The following ABR variants were observed in gnomAD, a reference collection of about 807,000 sequenced individuals.
ABR encodes the protein ABR activator of RhoGEF and GTPase, also known as active breakpoint cluster region-related protein.
In ABR, 35 loss-of-function variants were observed where a neutral mutation model predicts 107.2. The ratio of observed to expected loss-of-function variants is 0.33; its 90% CI spans 0.25 to 0.43. The LOEUF is 0.43. Ranked by LOEUF, ABR falls within the 20% of genes least tolerant of loss-of-function variation. ABR has a pLI of 1.00. For synonymous variants in ABR, 498 were observed against 462.0 expected, an observed-to-expected ratio of 1.08 and a Z score of -1.00; for missense variants, 815 against 1,115.2, an observed-to-expected ratio of 0.73 and a Z score of 3.83.
chr17:1,056,153 T>G lies in ABR; in HGVS notation c.1487-44A>C, dbSNP rs750234279. The G allele has an allele frequency of 1.4e-5, 22 of 1,572,884 alleles. No homozygotes were observed. The East Asian group carries it at 4.3e-4, about 31-fold the overall frequency. On this transcript the variant is annotated intron_variant, in intron 13 of 22. Transcript: ENST00000302538. The stretch of plus-strand genomic sequence containing the variant: ...CCCAGGGCAGAGGGTGGTCAGCGGA[T>G]CCCCTCAGCCTCCACCCCAGGCCGG...
chr17:1,108,302 T>G (rs896716989), intron 2 of ABR, among the ~76,000 whole-genome samples: 13 of 151,920 alleles, frequency 8.6e-5, no homozygotes, highest in Admixed American at 8.5e-4. Context: ...GCCCTCCAGT[T>G]CCACCGGGAG....
exon 1 of ABR, among the ~76,000 whole-genome samples, chr17:1,229,607 C>T (rs1354878789): frequency 6.6e-6 from 1 of 151,980 alleles, no homozygotes; most frequent in Non-Finnish European, 1.5e-5. Context: ...GCCAGCGCCG[C>T]TCGAACGCGC....
intron 16 of ABR, among the ~76,000 whole-genome samples, chr17:1,032,196 A>C (rs1179012166): frequency 6.6e-6 from 1 of 151,914 alleles, no homozygotes; most frequent in Non-Finnish European, 1.5e-5. Context: ...TTTTGGCCAC[A>C]AACAGCTGCC....
intron 16 of ABR, among the ~76,000 whole-genome samples, chr17:1,032,435 C>A (rs1364721572): frequency 1.3e-5 from 2 of 152,158 alleles, no homozygotes; most frequent in Non-Finnish European, 2.9e-5. Flanking sequence ...AGCAAAAGCC[C>A]GAAACGACGC....
At chr17:1,024,099 C>T (rs2071970525) in intron 16 of ABR, among the ~76,000 whole-genome samples, 1 of 151,800 alleles carries the variant, frequency 6.6e-6, no homozygotes, top group South Asian at 2.1e-4. Flanking sequence ...CCTGCCCGGG[C>T]CCAGAACACT....
intron 10 of ABR, among the ~76,000 whole-genome samples, chr17:1,061,988 AGGT>A (rs2034000959): frequency 6.6e-6 from 1 of 152,240 alleles, no homozygotes; most frequent in Admixed American, 6.5e-5. Flanking sequence ...GCAAAGCCAC[AGGT>A]GAACAAAAAG....
At chr17:1,049,750 A>G (rs1229098091) in intron 16 of ABR, among the ~76,000 whole-genome samples, 1 of 152,192 alleles carries the variant, frequency 6.6e-6, no homozygotes, top group African/African-American at 2.4e-5. Context: ...CCTTCTCAAC[A>G]TGGCGTTCCG....
rs1401080601 is a variant in ABR, at chr17:1,011,047, C to T, written c.2102-184G>A. On this transcript the variant is annotated intron_variant, in intron 19 of 22. Transcript: ENST00000302538. The surrounding 1 kb of genome is among the most constrained non-coding windows in gnomAD (Gnocchi z 4.8). Reference sequence around the variant, plus strand: ...GCTCTGTGGGTCGGGGTTGGGGGAACAGGGAGAGATAGCCTGGGGGCCATC... The same window carrying T: ...GCTCTGTGGGTCGGGGTTGGGGGAATAGGGAGAGATAGCCTGGGGGCCATC... The T allele has an allele frequency of 1.4e-6, 1 of 715,374 alleles. No homozygotes were observed. Among genetic ancestry groups the T allele is most frequent in the African/African-American group, 1.8e-5 (1 of 56,064 alleles). The allele number at this position is 715,374 out of a possible 1,614,324, so 44.3% of individuals were successfully genotyped here. A position where few individuals can be genotyped will look rare whatever the true frequency, so the allele number is the denominator to read the frequency against.
rs2032425812 is a variant in ABR at position 1,050,916 on chromosome 17, G to A, written c.1562-282C>T. ...CCCACCTCGGCCCTCCCCACACTCT[G>A]CCCTTCCCACCTCGGCCCTCCCCAC... On this transcript the variant is annotated intron_variant, in intron 14 of 22. Transcript: ENST00000302538. This position sits in a 1 kb window ranked among gnomAD's most constrained non-coding sequence, Gnocchi z 4.6. Among the ~76,000 whole-genome samples the A allele has an allele frequency of 6.7e-6, 1 of 150,308 alleles. No homozygotes were observed. Among genetic ancestry groups the A allele is most frequent in the South Asian group, 2.1e-4 (1 of 4,728 alleles).
chr17:1,014,996 T>G (rs9908135), intron 16 of ABR, among the ~76,000 whole-genome samples: 99,088 of 151,998 alleles, frequency 0.65, 32,862 homozygotes, highest in East Asian at 0.78. Flanking sequence ...AGTCCTTTAT[T>G]CACCATTACA....
intron 12 of ABR, among the ~76,000 whole-genome samples, chr17:1,057,667 GTGTGTGTGTGTGTGTGTCTC>G (rs1224744419): frequency 5.8e-5 from 1 of 17,282 alleles, no homozygotes; most frequent in African/African-American, 1.9e-4. Context: ...ATGTGTGTGT[GTGTGTGTGTGTGTGTGTCTC>G]TGTGTGTGTG....
intron 16 of ABR, among the ~76,000 whole-genome samples, chr17:1,014,034 T>A (rs781338429): frequency 3.8e-4 from 58 of 152,220 alleles, no homozygotes; most frequent in Non-Finnish European, 7.9e-4. Context: ...GAGTATGATT[T>A]CCAAAATCAT....
chr17:1,198,480 A>G (rs553669606), intron 1 of ABR, among the ~76,000 whole-genome samples: 1 of 151,344 alleles, frequency 6.6e-6, no homozygotes, highest in African/African-American at 2.5e-5. Flanking sequence ...CAGTGGCTCA[A>G]ACCTATAATC....
intron 1 of ABR, among the ~76,000 whole-genome samples, chr17:1,149,831 G>A (rs1175148772): frequency 1.3e-5 from 2 of 152,208 alleles, no homozygotes; most frequent in African/African-American, 4.8e-5. Context: ...CAGGCTCTCC[G>A]AATTCCACTC....
intron 5 of ABR, among the ~76,000 whole-genome samples, chr17:1,082,547 G>A (rs558637606): frequency 6.6e-6 from 1 of 152,166 alleles, no homozygotes; most frequent in Non-Finnish European, 1.5e-5. Flanking sequence ...CTCAGGAGCA[G>A]AAGCACGCGT....
chr17:1,064,262 G>T lies in ABR; in HGVS notation c.1182+2815C>A, dbSNP rs1217782653. ...TGCTGTTATGTAAACTGAGGGCTATGCATGTTCCTCCAGACACTGTTGTTA... is the reference window on the plus strand; with the variant it reads ...TGCTGTTATGTAAACTGAGGGCTATTCATGTTCCTCCAGACACTGTTGTTA... On this transcript the variant is annotated intron_variant, in intron 10 of 22. Coordinates refer to ENST00000302538, the MANE Select transcript of ABR (RefSeq NM_021962.5). Among the ~76,000 whole-genome samples the T allele has an allele frequency of 1.8e-4, 6 of 32,978 alleles. 2 individuals are homozygous for T. The highest frequency in any genetic ancestry group is 3.8e-4 in the Non-Finnish European group (6 of 15,616). 21.6% of individuals were successfully genotyped at this position (32,978 alleles called of 152,430 possible).
At chr17:1,135,595 G>A (rs2040025145) in intron 1 of ABR, among the ~76,000 whole-genome samples, 1 of 152,098 alleles carries the variant, frequency 6.6e-6, no homozygotes, top group South Asian at 2.1e-4. Context: ...CTTCAGAGAG[G>A]CCAGGTGCGG....
intron 4 of ABR, among the ~76,000 whole-genome samples, chr17:1,090,344 C>T (rs910165428): frequency 1.3e-5 from 2 of 151,694 alleles, no homozygotes; most frequent in Non-Finnish European, 2.9e-5. Context: ...CGTGGGGATC[C>T]GCTGAAGGGG....
At chr17:1,064,503 G>A (rs1160989218) in intron 10 of ABR, among the ~76,000 whole-genome samples, 12 of 119,954 alleles carry the variant, frequency 1.0e-4, no homozygotes, top group South Asian at 3.0e-4. Context: ...CTGTTGTTAT[G>A]TGAACTGAGG....
Sources: allele counts gnomAD v4.1 joint callset (sites outside exome capture counted in the v4.1 genomes callset), GRCh38; gene constraint gnomAD v4.1.1; non-coding constraint Gnocchi (gnomAD v3.1); transcripts MANE v1.5; gene names NCBI Gene and HGNC (gene_info 2026-07-23, HGNC 2026-07-21).